Variants in STARD13 observed in about 807,000 individuals in gnomAD.
The protein encoded by STARD13 is StAR related lipid transfer domain containing 13, also known as stAR-related lipid transfer protein 13.
A neutral mutation model predicts 106.4 loss-of-function variants in STARD13; 62 were observed. The observed-to-expected ratio is 0.58, with a 90% CI of 0.48 to 0.72. The LOEUF (loss-of-function observed/expected upper bound fraction) is 0.72, where lower values mean the gene tolerates loss of function less well. Among genes scored for constraint, STARD13 ranks in the 30% least tolerant of loss-of-function variants. The probability of loss-of-function intolerance (pLI) is 0.00; values close to 1 mark genes in which losing one functional copy is unlikely to be tolerated. For missense variants in STARD13, 1,387 were observed against 1,424.0 expected, an observed-to-expected ratio of 0.97 and a Z score of 0.42; for synonymous variants, 565 against 553.0, an observed-to-expected ratio of 1.02 and a Z score of -0.31.
chr13:33,554,949 A>T, the STARD13 span, among the ~76,000 whole-genome samples: 2 of 152,272 alleles, frequency 1.3e-5, no homozygotes, highest in African/African-American at 4.8e-5. Context: ...TCCTGGGTTC[A>T]TCTGAGGGCA....
chr13:33,641,337 T>C, the STARD13 span, among the ~76,000 whole-genome samples: 1 of 152,160 alleles, frequency 6.6e-6, no homozygotes, highest in Admixed American at 6.6e-5. Context: ...CACCTTTGCC[T>C]CCCAAAGACT....
the STARD13 span, among the ~76,000 whole-genome samples, chr13:33,386,596 G>A: frequency 2.0e-5 from 3 of 152,162 alleles, no homozygotes; most frequent in Non-Finnish European, 2.9e-5. Flanking sequence ...ACTAAGGGAC[G>A]TGTGCCCACT....
At chr13:33,392,296 A>C in the STARD13 span, among the ~76,000 whole-genome samples, 1 of 152,134 alleles carries the variant, frequency 6.6e-6, no homozygotes, top group Non-Finnish European at 1.5e-5. Flanking sequence ...ATGGGAAAAT[A>C]TTATAGAGGA....
At chr13:33,289,754 A>G (rs1027096278), upstream of STARD13, among the ~76,000 whole-genome samples, 5 of 152,126 alleles carry the variant, frequency 3.3e-5, no homozygotes, top group African/African-American at 1.2e-4. Flanking sequence ...GGTGTCTTCA[A>G]GTAAGAAGTA....
chr13:33,370,371 T>G, the STARD13 span, among the ~76,000 whole-genome samples: 1 of 152,158 alleles, frequency 6.6e-6, no homozygotes, highest in Admixed American at 6.5e-5. Flanking sequence ...CATCTCTCAC[T>G]CTCAGCAGGG....
chr13:33,610,252 T>G, the STARD13 span, among the ~76,000 whole-genome samples: 1 of 152,162 alleles, frequency 6.6e-6, no homozygotes, highest in African/African-American at 2.4e-5. Context: ...GGAGGTTCAC[T>G]CTGGGGAGGG....
the STARD13 span, among the ~76,000 whole-genome samples, chr13:33,373,793 A>G: frequency 6.6e-6 from 1 of 152,138 alleles, no homozygotes; most frequent in Non-Finnish European, 1.5e-5. Flanking sequence ...ATAGAAAATA[A>G]GTGTTGGTGA....
the STARD13 span, among the ~76,000 whole-genome samples, chr13:33,561,491 T>A: frequency 4.0e-5 from 6 of 151,670 alleles, 1 homozygote; most frequent in African/African-American, 1.5e-4. Context: ...TTTCCTCTAT[T>A]GCATTTCTTG....
At chr13:33,310,129 A>G (rs1566132125) in intron 1 of STARD13, among the ~76,000 whole-genome samples, 2 of 152,150 alleles carry the variant, frequency 1.3e-5, no homozygotes, top group Non-Finnish European at 2.9e-5. Context: ...TGCAAGTTAG[A>G]CGGCAGCAGG....
chr13:33,360,560 C>T, the STARD13 span, among the ~76,000 whole-genome samples: 8 of 143,394 alleles, frequency 5.6e-5, no homozygotes, highest in African/African-American at 1.3e-4. Flanking sequence ...ATGATCACAT[C>T]GTTAGTAAAG....
At chr13:33,185,825 G>A (rs2138477124) in intron 1 of STARD13, 6 of 1,588,026 alleles carry the variant, frequency 3.8e-6, no homozygotes, top group Non-Finnish European at 5.2e-6. Flanking sequence ...TAAGTAACAA[G>A]TTCACAAAGG....
intron 1 of STARD13, among the ~76,000 whole-genome samples, chr13:33,175,305 C>G (rs556148858): frequency 3.4e-4 from 52 of 152,304 alleles, no homozygotes; most frequent in African/African-American, 1.2e-3. Context: ...CTGCCTACCA[C>G]TAAATCCCAA....
At chr13:33,384,361 G>C in the STARD13 span, among the ~76,000 whole-genome samples, 1 of 152,136 alleles carries the variant, frequency 6.6e-6, no homozygotes. Flanking sequence ...TAAGAGTCCG[G>C]GAAGCTGACT....
chr13:33,207,493 A>C (rs1279410863), intron 1 of STARD13, among the ~76,000 whole-genome samples: 1 of 152,238 alleles, frequency 6.6e-6, no homozygotes, highest in Non-Finnish European at 1.5e-5. Context: ...GTAAAATCAG[A>C]TACTTCAAGG....
At position 33,121,586 on chromosome 13, in the gene STARD13, T is replaced by C. The variant is rs868208236; in HGVS notation, c.2083-3323A>G. On this transcript the variant is annotated intron_variant, in intron 7 of 13. Transcript: ENST00000336934. ...CCACCTCAAAAAAAAAAAAAAAAAG[T>C]TTCCAAAGCAAGGATTTGATCTGAA... Among the ~76,000 whole-genome samples, 6 of 150,124 alleles carry C rather than the reference T, an allele frequency of 4.0e-5. No individual in the cohort carries two copies. The South Asian group carries it at 8.4e-4, about 21-fold the overall frequency.
chr13:33,191,626 T>C (rs923264960), intron 1 of STARD13, among the ~76,000 whole-genome samples: 2 of 152,210 alleles, frequency 1.3e-5, no homozygotes, highest in African/African-American at 2.4e-5. Context: ...AGATTGCCCT[T>C]GCACTTGGTT....
At chr13:33,501,077 C>CT in the STARD13 span, among the ~76,000 whole-genome samples, 4 of 126,978 alleles carry the variant, frequency 3.2e-5, no homozygotes, top group South Asian at 4.7e-4. Context: ...TTCTCTCTCT[C>CT]CTTTTTTTTT....
chr13:33,297,258 C>T (rs780020201), intron 1 of STARD13, among the ~76,000 whole-genome samples: 13 of 152,234 alleles, frequency 8.5e-5, no homozygotes, highest in Non-Finnish European at 1.6e-4. Flanking sequence ...GATAGCCAGC[C>T]ATGGTTACCT....
chr13:33,450,591 A>G, the STARD13 span, among the ~76,000 whole-genome samples: 1 of 152,260 alleles, frequency 6.6e-6, no homozygotes, highest in Non-Finnish European at 1.5e-5. Flanking sequence ...CTAGGCTAGA[A>G]GACAGCTCTA....
Sources: allele counts gnomAD v4.1 joint callset (sites outside exome capture counted in the v4.1 genomes callset), GRCh38; gene constraint gnomAD v4.1.1; transcripts MANE v1.5; gene names NCBI Gene and HGNC (gene_info 2026-07-23, HGNC 2026-07-21).